The following MASTL variants were observed in gnomAD, a reference collection of about 807,000 sequenced individuals.
MASTL encodes serine/threonine-protein kinase greatwall.
A neutral mutation model predicts 82.5 loss-of-function variants in MASTL; 54 were observed. The observed-to-expected ratio is 0.65, with a 90% confidence interval of 0.53 to 0.82. The LOEUF (loss-of-function observed/expected upper bound fraction) is 0.82. MASTL is among the 40% of genes least tolerant of loss of function. The pLI is 0.00. For missense variants in MASTL, 950 were observed against 1,047.8 expected (o/e 0.91, Z 1.29); for synonymous variants, 323 against 368.9 (o/e 0.88, Z 1.43).
intron 8 of MASTL, 73 bp downstream of exon 8, chr10:27,171,156 C>A: frequency 7.9e-7 from 1 of 1,268,568 alleles, no homozygotes; most frequent in Non-Finnish European, 1.2e-6. Context: ...TGCCTCTAAG[C>A]TAGACTATGC....
chr10:27,157,380 A>G (rs1433336289), intron 1 of MASTL, among the ~76,000 whole-genome samples: 2 of 152,206 alleles, frequency 1.3e-5, no homozygotes, highest in East Asian at 1.9e-4. Flanking sequence ...CGAACTGGAC[A>G]ACAATGGGGA....
chr10:27,185,174 G>A (rs1238922137), intron 11 of MASTL, among the ~76,000 whole-genome samples: 1 of 152,206 alleles, frequency 6.6e-6, no homozygotes, highest in Non-Finnish European at 1.5e-5. Flanking sequence ...TGCTAAAGCT[G>A]TCTAGGGCAA....
intron 9 of MASTL, among the ~76,000 whole-genome samples, chr10:27,176,245 T>C (rs2058098885): frequency 6.6e-6 from 1 of 152,216 alleles, no homozygotes; most frequent in Non-Finnish European, 1.5e-5. Flanking sequence ...CTGCAGCATT[T>C]CACCTCTCAT....
intron 9 of MASTL, among the ~76,000 whole-genome samples, chr10:27,176,849 CTT>C (rs11334357): frequency 1.0e-3 from 127 of 124,784 alleles, no homozygotes; most frequent in Non-Finnish European, 1.2e-3. Flanking sequence ...TTTCTTTTTT[CTT>C]TTTTTTTTTT....
chr10:27,171,971 G>A (rs1246179088), intron 8 of MASTL, among the ~76,000 whole-genome samples: 1 of 151,598 alleles, frequency 6.6e-6, no homozygotes, highest in Non-Finnish European at 1.5e-5. Flanking sequence ...TAGGACTACA[G>A]GCATGTGCCA....
Position 27,170,864 on chromosome 10 carries a change from G to T in MASTL, c.1905G>T (p.Met635Ile). Residue 635 changes from methionine (M) to isoleucine (I), a missense_variant, in exon 8 of 12, where the codon ATG (methionine) becomes ATT (isoleucine). Coordinates refer to ENST00000375940, the MANE Select transcript of MASTL (RefSeq NM_001172303.3). Reference protein sequence around the residue: ...NPAVQESNQKMLGPPLEVLKT... With the variant: ...NPAVQESNQKILGPPLEVLKT... ...CTGTACAAGAGAGTAACCAAAAAAT[G>T]TTAGGTCCTCCTTTGGAGGTGCTGA... is the stretch of plus-strand genomic sequence containing the variant. 6.2e-6 allele frequency: 10 copies of T among 1,614,118 alleles called. No homozygotes were observed. Among genetic ancestry groups the T allele is most frequent in the Non-Finnish European group, 8.5e-6 (10 of 1,180,000 alleles).
chr10:27,162,179 A>G (rs1220055947), intron 4 of MASTL, among the ~76,000 whole-genome samples: 1 of 152,228 alleles, frequency 6.6e-6, no homozygotes, highest in African/African-American at 2.4e-5. Flanking sequence ...TTTTAAATAT[A>G]AAAGTTTTTA....
intron 1 of MASTL, among the ~76,000 whole-genome samples, chr10:27,156,230 T>A (rs962454121): frequency 6.6e-6 from 1 of 152,050 alleles, no homozygotes; most frequent in African/African-American, 2.4e-5. Flanking sequence ...TTCACCGTGT[T>A]AGCCAGGATG....
chr10:27,174,556 G>A (rs1481844009), intron 9 of MASTL, among the ~76,000 whole-genome samples: 1 of 151,964 alleles, frequency 6.6e-6, no homozygotes, highest in Non-Finnish European at 1.5e-5. Flanking sequence ...CCAAAATCAG[G>A]TGTCCACAGG....
rs1246987681 is a variant in MASTL, at chr10:27,170,078, T to A, written c.1119T>A (p.His373Gln). The A allele has an allele frequency of 6.2e-7, 1 of 1,614,092 alleles. No homozygotes were observed. Among genetic ancestry groups the A allele is most frequent in the Non-Finnish European group, 8.5e-7 (1 of 1,180,038 alleles). ...TGGAGTTAGCTCTTTCTCCCATTCA[T>A]AACAGCAGTGCCCTTCCCACCACTG... ...KDLELALSPI[H>Q]NSSALPTTGR... is the part of the protein sequence containing the mutation. The change falls in exon 8 of 12, where the codon CAT (histidine) becomes CAA (glutamine). Residue 373 changes from histidine to glutamine, a missense_variant. Coordinates refer to ENST00000375940, the MANE Select transcript of MASTL (RefSeq NM_001172303.3).
intron 7 of MASTL, among the ~76,000 whole-genome samples, chr10:27,169,303 C>T (rs1196973119): frequency 6.6e-6 from 1 of 152,072 alleles, no homozygotes; most frequent in Non-Finnish European, 1.5e-5. Flanking sequence ...TAGCTTACAC[C>T]TGTAATCCCA....
At position 27,165,546 on chromosome 10, in the gene MASTL, A is replaced by G. The variant is rs1454578922; in HGVS notation, c.811+7A>G. ...AGCAAATTACTAAAATCATGTGAGT[A>G]TAAAAGAAAAGGTAGGCCAGGCGCA... On this transcript the variant is annotated splice_region_variant and intron_variant, in intron 6 of 11. Coordinates refer to ENST00000375940, the MANE Select transcript of MASTL (RefSeq NM_001172303.3). The G allele has an allele frequency of 1.2e-6, 2 of 1,613,852 alleles. No individual in the cohort carries two copies. The highest frequency in any genetic ancestry group is 1.3e-5 in the African/African-American group (1 of 74,924).
At chr10:27,164,149 TTTTG>T (rs2057666005) in intron 4 of MASTL, among the ~76,000 whole-genome samples, 1 of 152,102 alleles carries the variant, frequency 6.6e-6, no homozygotes, top group African/African-American at 2.4e-5. Context: ...CTGGGATTAT[TTTTG>T]TTTGTTTAAG....
chr10:27,178,570 G>A (rs2058176403), intron 9 of MASTL, among the ~76,000 whole-genome samples: 1 of 151,694 alleles, frequency 6.6e-6, no homozygotes, highest in Admixed American at 6.6e-5. Flanking sequence ...CTTTTTCTGT[G>A]GCTAATAACA....
intron 9 of MASTL, among the ~76,000 whole-genome samples, chr10:27,175,237 C>CA (rs2058068052): frequency 6.6e-6 from 1 of 151,924 alleles, no homozygotes; most frequent in Non-Finnish European, 1.5e-5. Context: ...GGCTGGAGTG[C>CA]AGTGGCACGA....
chr10:27,178,979 T>C (rs898934899), intron 9 of MASTL, among the ~76,000 whole-genome samples: 2 of 152,164 alleles, frequency 1.3e-5, no homozygotes, highest in African/African-American at 2.4e-5. Context: ...TCTAAATGCA[T>C]GCAGCTATTT....
chr10:27,159,520 C>A lies in MASTL; in HGVS notation c.325-99C>A. The stretch of plus-strand genomic sequence containing the variant: ...ATAGCAAGAAAAGGTCGTTTCATTA[C>A]AGAGCCATGCCAAATATTGTAACTG... On this transcript the variant is annotated intron_variant, in intron 2 of 11. Transcript: ENST00000375940. This position sits in a 1 kb window ranked among gnomAD's most constrained non-coding sequence, Gnocchi z 4.0. 1 of 815,234 alleles carries A rather than the reference C, an allele frequency of 1.2e-6. No homozygotes were observed. The highest frequency in any genetic ancestry group is 2.0e-6 in the Non-Finnish European group (1 of 493,506). The allele number at this position is 815,234 out of a possible 1,614,324, so 50.5% of individuals were successfully genotyped here. A position where few individuals can be genotyped will look rare whatever the true frequency, so the allele number is the denominator to read the frequency against.
rs775522817 is a variant in MASTL, at chr10:27,169,939, C to A, written c.985-5C>A. ...AACTAAAACAAATATTTTTTTCCCT[C>A]TTAGGAAAGTGATGAAGCATTGGGC... On this transcript the variant is annotated splice_region_variant and splice_polypyrimidine_tract_variant and intron_variant, in intron 7 of 11. Transcript: ENST00000375940. The A allele has an allele frequency of 8.1e-6, 13 of 1,613,222 alleles. No individual in the cohort carries two copies. In the African/African-American group the frequency reaches 1.3e-4, roughly 17 times the overall value.
At chr10:27,169,596 T>C (rs538592797) in intron 7 of MASTL, among the ~76,000 whole-genome samples, 26 of 151,918 alleles carry the variant, frequency 1.7e-4, no homozygotes, top group Admixed American at 1.7e-3. Flanking sequence ...ATCATCCATA[T>C]ACCTATTGCA....
Sources: allele counts gnomAD v4.1 joint callset (sites outside exome capture counted in the v4.1 genomes callset), GRCh38; gene constraint gnomAD v4.1.1; non-coding constraint Gnocchi (gnomAD v3.1); transcripts MANE v1.5; gene names NCBI Gene and HGNC (gene_info 2026-07-23, HGNC 2026-07-21).